FAM228B: variants seen among roughly 807,000 people sequenced by gnomAD.
The protein encoded by FAM228B is protein FAM228B.
In FAM228B, 38 loss-of-function variants were observed where a neutral mutation model predicts 42.6. The observed-to-expected ratio is 0.89, with a 90% CI of 0.69 to 1.17. The LOEUF (loss-of-function observed/expected upper bound fraction) is 1.17. FAM228B is among the 50% of genes most tolerant of loss of function. FAM228B has a pLI of 0.00. For synonymous variants in FAM228B, 109 were observed against 122.3 expected (o/e 0.89, Z 0.72); for missense variants, 344 against 367.3 (o/e 0.94, Z 0.52).
intron 2 of FAM228B, among the ~76,000 whole-genome samples, chr2:24,094,029 CT>C (rs57620033): frequency 0.25 from 18,413 of 74,862 alleles, 2,153 homozygotes; most frequent in East Asian, 0.46. Context: ...TCGCCACATA[CT>C]TTTTTTTTTT....
chr2:24,108,901 A>T (rs1451372067), intron 3 of FAM228B, among the ~76,000 whole-genome samples: 4 of 94,246 alleles, frequency 4.2e-5, no homozygotes, highest in Non-Finnish European at 9.7e-5. Context: ...AGTCCGTCTC[A>T]AAAAAAAAAA....
intron 2 of FAM228B, among the ~76,000 whole-genome samples, chr2:24,132,559 C>G (rs1356056483): frequency 7.5e-6 from 1 of 133,228 alleles, no homozygotes; most frequent in Non-Finnish European, 1.5e-5. Context: ...GATTCGACTT[C>G]TTCCTCGTTT....
chr2:24,151,806 C>G (rs1667029937), intron 7 of FAM228B, among the ~76,000 whole-genome samples: 1 of 152,102 alleles, frequency 6.6e-6, no homozygotes, highest in Non-Finnish European at 1.5e-5. Context: ...CCTCAGTTCC[C>G]TGACTTAGCT....
chr2:24,081,195 C>G (rs977378689), intron 2 of FAM228B, among the ~76,000 whole-genome samples: 1 of 151,808 alleles, frequency 6.6e-6, no homozygotes, highest in Non-Finnish European at 1.5e-5. Flanking sequence ...GGGGGTGGGA[C>G]GCTGTGACTC....
chr2:24,089,751 G>A (rs1449434645), intron 2 of FAM228B, among the ~76,000 whole-genome samples: 2 of 152,016 alleles, frequency 1.3e-5, no homozygotes, highest in Non-Finnish European at 2.9e-5. Context: ...TAAGATTTGG[G>A]GATAGTTTAT....
At chr2:24,085,356 T>G (rs1022734869) in intron 2 of FAM228B, 1 of 152,180 alleles carries the variant, frequency 6.6e-6, no homozygotes, top group African/African-American at 2.4e-5. Context: ...GTAAGCTACA[T>G]GAAGGTTTCT....
At chr2:24,122,584 G>A (rs1473213020), upstream of FAM228B, 2 of 1,328,264 alleles carry the variant, frequency 1.5e-6, no homozygotes, top group South Asian at 1.2e-5. Flanking sequence ...ATTGACTCTG[G>A]CTAGCTTTTA....
Position 24,090,144 on chromosome 2 carries a change from T to C in FAM228B, c.-209-4997T>C, listed in dbSNP as rs964002325. On this transcript the variant is annotated intron_variant, in intron 2 of 10. Transcript: ENST00000613899. ...ATTAGCCGGGGTGGTGGCTGGCGCC[T>C]GTAGTCCCAGTTACTCGGGAGGTTG... Among the ~76,000 whole-genome samples, 7 of 151,938 alleles carry C rather than the reference T, an allele frequency of 4.6e-5. No individual in the cohort carries two copies. The East Asian group carries it at 1.2e-3, about 25-fold the overall frequency.
At chr2:24,162,504 G>C (rs960744753) in intron 8 of FAM228B, among the ~76,000 whole-genome samples, 22 of 152,294 alleles carry the variant, frequency 1.4e-4, no homozygotes, top group African/African-American at 5.1e-4. Flanking sequence ...AACTTTGGAA[G>C]GCAGCTTGGC....
chr2:24,152,657 T>C (rs1667051182), intron 7 of FAM228B, among the ~76,000 whole-genome samples: 1 of 152,232 alleles, frequency 6.6e-6, no homozygotes, highest in African/African-American at 2.4e-5. Context: ...CTGAGCCACC[T>C]GGAGCTGGGG....
chr2:24,147,606 G>A (rs1425355179), intron 7 of FAM228B, among the ~76,000 whole-genome samples: 2 of 151,762 alleles, frequency 1.3e-5, no homozygotes, highest in African/African-American at 2.4e-5. Flanking sequence ...TTGTTTTTCA[G>A]TTGGATGATT....
At chr2:24,166,450 T>G (rs1366526624) in intron 9 of FAM228B, 1 of 152,176 alleles carries the variant, frequency 6.6e-6, no homozygotes, top group Non-Finnish European at 1.5e-5. Flanking sequence ...ACCTTTTCTT[T>G]TGTGTGTTTA....
chr2:24,157,114 T>G (rs904676167), intron 7 of FAM228B, among the ~76,000 whole-genome samples: 1 of 152,242 alleles, frequency 6.6e-6, no homozygotes, highest in African/African-American at 2.4e-5. Flanking sequence ...CTATTTAGTT[T>G]CCATGTATTT....
Position 24,077,685 on chromosome 2 carries a change from A to G in FAM228B, c.-290+716A>G, listed in dbSNP as rs1457022252. 2 of 1,613,990 alleles carry G rather than the reference A, an allele frequency of 1.2e-6. No individual in the cohort carries two copies. The highest frequency in any genetic ancestry group is 2.7e-5 in the African/African-American group (2 of 74,902). The stretch of plus-strand genomic sequence containing the variant: ...TGGGTAGATTCTGTCCAGAACCGGC[A>G]GCAGACGTTGGGGGCCCTCCGTGGA... On this transcript the variant is annotated intron_variant, in intron 1 of 10. Coordinates refer to the FAM228B transcript ENST00000613899. This position sits in a 1 kb window ranked among gnomAD's most constrained non-coding sequence, Gnocchi z 5.5.
At chr2:24,134,983 A>T (rs1249950599) in intron 2 of FAM228B, 136 bp from the exon 3 acceptor site, 5 of 616,184 alleles carry the variant, frequency 8.1e-6, no homozygotes, top group African/African-American at 2.0e-5. Flanking sequence ...GCACTCGATG[A>T]TATGATTTGG....
rs1333774397 is a variant in FAM228B, at chr2:24,169,330, C to T, written c.*15-26C>T. 2.1e-6 allele frequency: 1 copy of T among 466,262 alleles called. No individual in the cohort carries two copies. Among genetic ancestry groups the T allele is most frequent in the Non-Finnish European group, 4.5e-6 (1 of 223,254 alleles). 28.9% of individuals were successfully genotyped at this position (466,262 alleles called of 1,614,324 possible). A position where few individuals can be genotyped will look rare whatever the true frequency, so the allele number is the denominator to read the frequency against. On this transcript the variant is annotated intron_variant, in intron 10 of 10. Coordinates refer to ENST00000615575, the MANE Select transcript of FAM228B (RefSeq NM_001145710.2). The surrounding 1 kb of genome is among the most constrained non-coding windows in gnomAD (Gnocchi z 4.2). ...CCCCTCATCCCCATACCACACTCAA[C>T]TCTTCCCTTTTGTCACCTTCAAAAG...
chr2:24,165,641 A>G, intron 9 of FAM228B: 1 of 345,200 alleles, frequency 2.9e-6, no homozygotes, highest in Non-Finnish European at 5.8e-6. Context: ...CTGAATGACC[A>G]TGGAAGAGCA....
chr2:24,087,777 ATTTTTTT>A (rs34256592), intron 2 of FAM228B, among the ~76,000 whole-genome samples: 30 of 128,210 alleles, frequency 2.3e-4, no homozygotes, highest in African/African-American at 8.2e-4. Flanking sequence ...CACCAGGGTA[ATTTTTTT>A]TTTTTTTTTT....
chr2:24,129,460 C>T (rs969899278), intron 2 of FAM228B, among the ~76,000 whole-genome samples: 2 of 152,034 alleles, frequency 1.3e-5, no homozygotes, highest in African/African-American at 4.8e-5. Context: ...GCAACTCTAT[C>T]CATTTGCTGA....
Sources: allele counts gnomAD v4.1 joint callset (sites outside exome capture counted in the v4.1 genomes callset), GRCh38; gene constraint gnomAD v4.1.1; non-coding constraint Gnocchi (gnomAD v3.1); transcripts MANE v1.5; gene names NCBI Gene and HGNC (gene_info 2026-07-23, HGNC 2026-07-21).